RABGAP1L: variants seen among roughly 807,000 people sequenced by gnomAD.
RABGAP1L encodes the protein rab GTPase-activating protein 1-like.
RABGAP1L carries 63 observed loss-of-function variants against 137.7 expected under a neutral mutation model. That is an observed-to-expected ratio of 0.46 (90% CI 0.37 to 0.56). The LOEUF (loss-of-function observed/expected upper bound fraction) is 0.56. Ranked by LOEUF, RABGAP1L falls within the 20% of genes least tolerant of loss-of-function variation. The pLI is 0.00. For synonymous variants in RABGAP1L, 431 were observed against 433.7 expected (o/e 0.99, Z 0.08); for missense variants, 1,095 against 1,244.0 (o/e 0.88, Z 1.80).
chr1:174,376,255 AGAAG>A (rs910544100), intron 12 of RABGAP1L, among the ~76,000 whole-genome samples: 5 of 151,962 alleles, frequency 3.3e-5, no homozygotes, highest in African/African-American at 7.2e-5. Context: ...AGGAAGGGAA[AGAAG>A]GAAGGAAGGA....
At chr1:174,499,748 T>C (rs1270594968) in intron 13 of RABGAP1L, among the ~76,000 whole-genome samples, 1 of 152,210 alleles carries the variant, frequency 6.6e-6, no homozygotes, top group Non-Finnish European at 1.5e-5. Flanking sequence ...TTGTTGCTAA[T>C]TGTAGCAATG....
intron 21 of RABGAP1L, among the ~76,000 whole-genome samples, chr1:174,974,673 G>A (rs551488312): frequency 2.6e-5 from 4 of 152,266 alleles, no homozygotes; most frequent in South Asian, 2.1e-4. Flanking sequence ...ACTACCCAAC[G>A]GTTTCAAATG....
chr1:174,950,579 C>G (rs1268177333), intron 19 of RABGAP1L, among the ~76,000 whole-genome samples: 1 of 152,172 alleles, frequency 6.6e-6, no homozygotes, highest in African/African-American at 2.4e-5. Context: ...CACTTTATGT[C>G]CAGATCTTGA....
At position 174,761,684 on chromosome 1, in the gene RABGAP1L, A is replaced by C. The variant is rs1404844543; in HGVS notation, c.2211+9330A>C. 6.6e-6 allele frequency among the ~76,000 whole-genome samples: 1 copy of C among 152,164 alleles called. No individual in the cohort carries two copies. The highest frequency in any genetic ancestry group is 1.5e-5 in the Non-Finnish European group (1 of 68,028). The stretch of plus-strand genomic sequence containing the variant: ...AACAGAGGCATTCCTCACTTCCCAG[A>C]CGGTGGAAACTCCCGTTTTTAAAAC... On this transcript the variant is annotated intron_variant, in intron 18 of 25. Transcript: ENST00000681986. This position sits in a 1 kb window ranked among gnomAD's most constrained non-coding sequence, Gnocchi z 4.0.
intron 13 of RABGAP1L, among the ~76,000 whole-genome samples, chr1:174,560,008 G>T (rs765164339): frequency 6.6e-6 from 1 of 152,100 alleles, no homozygotes; most frequent in Non-Finnish European, 1.5e-5. Flanking sequence ...GTTGGCACAT[G>T]CCTGTAATCC....
chr1:174,711,832 G>T (rs2861005), intron 17 of RABGAP1L, among the ~76,000 whole-genome samples: 32,381 of 152,204 alleles, frequency 0.21, 3,759 homozygotes, highest in Admixed American at 0.25. Context: ...CATGGCCCTG[G>T]CACAGGATCC....
chr1:174,413,156 T>G (rs1367205738), intron 13 of RABGAP1L, among the ~76,000 whole-genome samples: 1 of 152,152 alleles, frequency 6.6e-6, no homozygotes, highest in Non-Finnish European at 1.5e-5. Flanking sequence ...TGTTCATTTT[T>G]AAAAATTCTT....
intron 13 of RABGAP1L, among the ~76,000 whole-genome samples, chr1:174,620,426 C>G (rs1403339847): frequency 6.6e-6 from 1 of 152,162 alleles, no homozygotes; most frequent in South Asian, 2.1e-4. Flanking sequence ...GAAATTATAA[C>G]AAACTGTCTC....
intron 13 of RABGAP1L, among the ~76,000 whole-genome samples, chr1:174,457,460 A>G (rs1186421512): frequency 6.7e-6 from 1 of 150,224 alleles, no homozygotes; most frequent in Non-Finnish European, 1.5e-5. Context: ...GACATGTTCT[A>G]CCAACTCAGG....
intron 19 of RABGAP1L, among the ~76,000 whole-genome samples, chr1:174,874,723 A>G (rs1652809162): frequency 6.6e-6 from 1 of 151,764 alleles, no homozygotes; most frequent in Non-Finnish European, 1.5e-5. Flanking sequence ...TGTGTACAAT[A>G]GCTTCTGAAG....
intron 1 of RABGAP1L, among the ~76,000 whole-genome samples, chr1:174,182,900 A>T (rs933184370): frequency 6.6e-6 from 1 of 152,134 alleles, no homozygotes; most frequent in Non-Finnish European, 1.5e-5. Flanking sequence ...TTTTTTTCCC[A>T]CTAAGTTATT....
At chr1:174,411,051 G>A (rs972467191) in intron 13 of RABGAP1L, among the ~76,000 whole-genome samples, 1 of 152,082 alleles carries the variant, frequency 6.6e-6, no homozygotes. Context: ...GAACGATATT[G>A]CTATATAGAA....
intron 19 of RABGAP1L, among the ~76,000 whole-genome samples, chr1:174,812,925 C>A (rs905265047): frequency 6.6e-6 from 1 of 152,162 alleles, no homozygotes; most frequent in East Asian, 1.9e-4. Context: ...GAGACTGCCT[C>A]ATGCCTGGGT....
intron 13 of RABGAP1L, among the ~76,000 whole-genome samples, chr1:174,401,421 G>T (rs1648568606): frequency 6.6e-6 from 1 of 152,178 alleles, no homozygotes; most frequent in African/African-American, 2.4e-5. Flanking sequence ...ACTCACCCGT[G>T]ATGGGGAATG....
chr1:174,962,594 T>G (rs1408542850), intron 20 of RABGAP1L, among the ~76,000 whole-genome samples: 1 of 152,208 alleles, frequency 6.6e-6, no homozygotes, highest in Admixed American at 6.5e-5. Flanking sequence ...ATGAAATATT[T>G]GAAATAAAGC....
chr1:174,164,029 G>C (rs1264907124), intron 1 of RABGAP1L, among the ~76,000 whole-genome samples: 1 of 152,090 alleles, frequency 6.6e-6, no homozygotes, highest in East Asian at 1.9e-4. Context: ...ATTCAGTGGG[G>C]TGGGAACATG....
intron 11 of RABGAP1L, among the ~76,000 whole-genome samples, chr1:174,327,969 A>ATG (rs1680607969): frequency 6.9e-5 from 1 of 14,508 alleles, no homozygotes; most frequent in Non-Finnish European, 1.1e-4. Flanking sequence ...ATATATATAT[A>ATG]TATATATATA....
chr1:174,238,288 C>A (rs1191519435), intron 4 of RABGAP1L, among the ~76,000 whole-genome samples: 1 of 152,206 alleles, frequency 6.6e-6, no homozygotes, highest in Non-Finnish European at 1.5e-5. Flanking sequence ...CATTCTCCAT[C>A]CAGGTTTGTT....
intron 7 of RABGAP1L, among the ~76,000 whole-genome samples, chr1:174,255,332 G>T (rs1427084740): frequency 6.6e-6 from 1 of 151,984 alleles, no homozygotes; most frequent in East Asian, 1.9e-4. Context: ...AGTTTTTAGG[G>T]GTAAGCATTA....
Sources: allele counts gnomAD v4.1 joint callset (sites outside exome capture counted in the v4.1 genomes callset), GRCh38; gene constraint gnomAD v4.1.1; non-coding constraint Gnocchi (gnomAD v3.1); transcripts MANE v1.5; gene names NCBI Gene and HGNC (gene_info 2026-07-23, HGNC 2026-07-21).